Variants in FAM240C observed in about 807,000 individuals in gnomAD.
FAM240C encodes the protein family with sequence similarity 240 member C, also known as protein FAM240C.
In FAM240C, 14 loss-of-function variants were observed where a neutral mutation model predicts 10.0. The observed-to-expected ratio is 1.40, with a 90% CI of 0.92 to 2.19. The LOEUF is 2.19. Among genes scored for constraint, FAM240C ranks in the 30% most tolerant of loss-of-function variants. The probability of loss-of-function intolerance (pLI) is 0.00; values close to 1 mark genes in which losing one functional copy is unlikely to be tolerated. For missense variants in FAM240C, 154 were observed against 122.3 expected (o/e 1.26, Z -1.22); for synonymous variants, 49 against 44.3 (o/e 1.11, Z -0.42).
chr2:241,901,406 AG>A (rs1299670208), upstream of FAM240C, among the ~76,000 whole-genome samples: 1 of 152,142 alleles, frequency 6.6e-6, no homozygotes, highest in East Asian at 1.9e-4. This position sits in a 1 kb window ranked among gnomAD's most constrained non-coding sequence, Gnocchi z 4.9. Flanking sequence ...TTCAGGTGAA[AG>A]CTTTTGGGAA....
intron 1 of FAM240C, chr2:241,899,409 G>A: frequency 1.1e-6 from 1 of 889,808 alleles, no homozygotes; most frequent in Non-Finnish European, 1.3e-6. Context: ...ACGCCTGCCT[G>A]TGCTGAGGAC....
chr2:241,897,311 AAG>A lies in FAM240C; in HGVS notation c.34_35del (p.Leu12Ter), dbSNP rs1169357734. On this transcript the variant is annotated frameshift_variant, in exon 2 of 3. Coordinates refer to ENST00000404031, the MANE Select transcript of FAM240C (RefSeq NM_001382368.1). LOFTEE classifies it high-confidence loss of function. ...CGTATGCTACTCTTCCAGGATTCTT[AAG>A]AGTGAGGCTTTTACTCATGTTCTGG... ...VGKNMSKSLT[L>X]KNPGRVAYDS... The A allele has an allele frequency of 6.5e-7, 1 of 1,549,706 alleles. No homozygotes were observed. Among genetic ancestry groups the A allele is most frequent in the Admixed American group, 2.0e-5 (1 of 50,972 alleles).
In FAM240C at chr2:241,897,303, G is replaced by A. The variant is rs555337595; in HGVS notation, c.44C>T (p.Pro15Leu). The A allele has an allele frequency of 6.5e-7, 1 of 1,549,740 alleles. No individual in the cohort carries two copies. The highest frequency in any genetic ancestry group is 1.2e-5 in the South Asian group (1 of 84,068). ...NMSKSLTLKN[P>L]GRVAYDSGGI... ...GCCTGAATCGTATGCTACTCTTCCAGGATTCTTAAGAGTGAGGCTTTTACT... is the reference window on the plus strand; with the variant it reads ...GCCTGAATCGTATGCTACTCTTCCAAGATTCTTAAGAGTGAGGCTTTTACT... Residue 15 changes from proline (P) to leucine (L), a missense_variant, in exon 2 of 3, where the codon CCT becomes CTT. Transcript: ENST00000404031.
At chr2:241,896,255 G>A (rs76059474) in intron 2 of FAM240C, among the ~76,000 whole-genome samples, 8,007 of 152,246 alleles carry the variant, frequency 0.053, 1,016 homozygotes, top group East Asian at 0.48. Context: ...ACCCTGGGTC[G>A]GCTCAGGGTC....
chr2:241,900,909 G>C (rs1191903016), upstream of FAM240C, among the ~76,000 whole-genome samples: 1 of 152,152 alleles, frequency 6.6e-6, no homozygotes, highest in Non-Finnish European at 1.5e-5. The surrounding 1 kb of genome is among the most constrained non-coding windows in gnomAD (Gnocchi z 4.5). Flanking sequence ...GGCTCTCGCG[G>C]TGACAGGCGC....
chr2:241,899,420 G>T, intron 1 of FAM240C: 1 of 823,964 alleles, frequency 1.2e-6, no homozygotes, highest in Non-Finnish European at 1.5e-6. Flanking sequence ...TGCTGAGGAC[G>T]CTGGCGCGAA....
intron 2 of FAM240C, among the ~76,000 whole-genome samples, chr2:241,895,984 C>T (rs976728755): frequency 1.3e-5 from 2 of 152,044 alleles, no homozygotes; most frequent in Non-Finnish European, 2.9e-5. Flanking sequence ...CTCTCCTTCA[C>T]CATCGTCTGC....
At chr2:241,896,842 T>G (rs1575420224) in intron 2 of FAM240C, among the ~76,000 whole-genome samples, 1 of 32,828 alleles carries the variant, frequency 3.0e-5, no homozygotes, top group Non-Finnish European at 7.2e-5. Context: ...TGTTGGGGTG[T>G]GGGTGAAGGG....
rs1701948707 is a variant in FAM240C at position 241,900,162 on chromosome 2, C to T, written c.12+196G>A. Among the ~76,000 whole-genome samples the T allele has an allele frequency of 6.6e-6, 1 of 152,136 alleles. No homozygotes were observed. Among genetic ancestry groups the T allele is most frequent in the Non-Finnish European group, 1.5e-5 (1 of 68,032 alleles). ...TGAGGCAGGTGATGGAGACACTCTC[C>T]CCCCACCAAAGGTGTTGACAGCAGG... On this transcript the variant is annotated intron_variant, in intron 1 of 2. Transcript: ENST00000404031. The surrounding 1 kb of genome is among the most constrained non-coding windows in gnomAD (Gnocchi z 4.5).
intron 1 of FAM240C, among the ~76,000 whole-genome samples, 185 bp from the exon 2 acceptor site, chr2:241,897,519 C>G (rs763062800): frequency 4.6e-5 from 7 of 152,216 alleles, no homozygotes; most frequent in African/African-American, 1.7e-4. Flanking sequence ...GGCTCCTGAC[C>G]GGCTCCTAAA....
chr2:241,896,587 TGGGGTGTGGGTGAA>T (rs1559468363), intron 2 of FAM240C, among the ~76,000 whole-genome samples: 14 of 5,614 alleles, frequency 2.5e-3, no homozygotes, highest in South Asian at 5.9e-3. Flanking sequence ...GTGTGGGTGT[TGGGGTGTGGGTGAA>T]GGGGTGTGGG....
At position 241,894,209 on chromosome 2, in the gene FAM240C, G is replaced by A. The variant is rs562909991; in HGVS notation, c.*4C>T. ...CTCATGCAGAGTCTGGAGCTCGTGGGCCCTCAGGCCGCCTTCTTGTCCTTG... is the reference window on the plus strand; with the variant it reads ...CTCATGCAGAGTCTGGAGCTCGTGGACCCTCAGGCCGCCTTCTTGTCCTTG... On this transcript the variant is annotated 3_prime_UTR_variant, in exon 3 of 3. Coordinates refer to ENST00000404031, the MANE Select transcript of FAM240C (RefSeq NM_001382368.1). The A allele has an allele frequency of 7.1e-6, 11 of 1,548,692 alleles. No individual in the cohort carries two copies. The highest frequency in any genetic ancestry group is 1.7e-4 in the Middle Eastern group (1 of 5,986).
Position 241,894,222 on chromosome 2 carries a change from C to T in FAM240C, c.279G>A (p.Lys93=). The T allele has an allele frequency of 1.9e-6, 3 of 1,549,444 alleles. No homozygotes were observed. Among genetic ancestry groups the T allele is most frequent in the Non-Finnish European group, 2.6e-6 (3 of 1,146,288 alleles). The change falls in exon 3 of 3, where the codon AAG becomes AAA. Residue 93 remains lysine, a synonymous_variant. Transcript: ENST00000404031. ...ATESLHTKDK[K]AA ...TGGAGCTCGTGGGCCCTCAGGCCGC[C>T]TTCTTGTCCTTGGTGTGGAGGGACT...
intron 2 of FAM240C, 104 bp from the exon 3 acceptor site, chr2:241,894,443 A>G: frequency 2.3e-6 from 3 of 1,303,378 alleles, no homozygotes; most frequent in Non-Finnish European, 3.1e-6. Flanking sequence ...GAGCAGGAGT[A>G]TGACACTCCC....
rs977144808 is a variant in FAM240C at position 241,894,463 on chromosome 2, TG to T, written c.162-125del. On this transcript the variant is annotated intron_variant, in intron 2 of 2. Transcript: ENST00000404031. ...GGAGTATGACACTCCCTGCCAGGGGTGGGGGTGTCACCGCATCCCTGCCCAG... is the reference window on the plus strand; with the variant it reads ...GGAGTATGACACTCCCTGCCAGGGGTGGGGTGTCACCGCATCCCTGCCCAG... 8.4e-6 allele frequency: 9 copies of T among 1,066,322 alleles called. No homozygotes were observed. The African/African-American group carries it at 1.1e-4, about 14-fold the overall frequency. 66.1% of individuals were successfully genotyped at this position (1,066,322 alleles called of 1,614,324 possible).
intron 2 of FAM240C, among the ~76,000 whole-genome samples, chr2:241,894,567 GGTT>G (rs1701741763): frequency 1.8e-5 from 1 of 55,594 alleles, no homozygotes; most frequent in Admixed American, 1.6e-4. Context: ...GCTGACCAGT[GGTT>G]GGTGGGGGGG....
chr2:241,894,493 G>T (rs935536310), intron 2 of FAM240C, among the ~76,000 whole-genome samples, 154 bp from the exon 3 acceptor site: 12 of 145,468 alleles, frequency 8.2e-5, no homozygotes, highest in African/African-American at 3.0e-4. Flanking sequence ...TGCCCAGCCA[G>T]CAGCTGTGAC....
intron 2 of FAM240C, among the ~76,000 whole-genome samples, chr2:241,896,839 G>GTGTGGGTGTGGGGGTGTGGGTGTTGGGT (rs1701850920): frequency 8.0e-6 from 1 of 124,362 alleles, no homozygotes; most frequent in African/African-American, 4.1e-5. Flanking sequence ...GGGTGTTGGG[G>GTGTGGGTGTGGGGGTGTGGGTGTTGGGT]TGTGGGTGAA....
chr2:241,897,159 C>T (rs1701866109), intron 2 of FAM240C, 27 bp downstream of exon 2: 1 of 1,546,872 alleles, frequency 6.5e-7, no homozygotes, highest in Non-Finnish European at 8.7e-7. Context: ...CATAGGGGTC[C>T]CCGATGCACT....
Sources: gnomAD v4.1 joint callset for allele counts (sites outside exome capture counted in the v4.1 genomes callset) on GRCh38, gnomAD v4.1.1 for gene constraint, Gnocchi (gnomAD v3.1) non-coding constraint, MANE v1.5 for transcripts, NCBI Gene and HGNC (gene_info 2026-07-23, HGNC 2026-07-21) for gene names.